PDE7A: variants seen among roughly 807,000 people sequenced by gnomAD.
PDE7A encodes the protein phosphodiesterase 7A.
PDE7A carries 39 observed loss-of-function variants against 64.3 expected under a neutral mutation model. The observed-to-expected ratio is 0.61, with a 90% CI of 0.47 to 0.79. PDE7A has a LOEUF of 0.79. Ranked by LOEUF, PDE7A falls within the 30% of genes least tolerant of loss-of-function variation. The pLI, the probability that PDE7A is intolerant of heterozygous loss-of-function variation, is 0.00. For missense variants in PDE7A, 470 were observed against 582.8 expected, an observed-to-expected ratio of 0.81 and a Z score of 1.99; for synonymous variants, 203 against 206.8, an observed-to-expected ratio of 0.98 and a Z score of 0.16.
At chr8:65,805,968 G>A (rs1320834635) in intron 1 of PDE7A, among the ~76,000 whole-genome samples, 1 of 152,176 alleles carries the variant, frequency 6.6e-6, no homozygotes, top group East Asian at 1.9e-4. Context: ...ATTTGGCCAT[G>A]TTTATCAAAG....
chr8:65,840,670 A>T (rs1201168322), intron 1 of PDE7A, among the ~76,000 whole-genome samples: 1 of 152,238 alleles, frequency 6.6e-6, no homozygotes, highest in Non-Finnish European at 1.5e-5. Context: ...ACCACAGGAA[A>T]AAAACAGAAA....
At chr8:65,814,327 C>T (rs1337127181) in intron 1 of PDE7A, among the ~76,000 whole-genome samples, 2 of 150,826 alleles carry the variant, frequency 1.3e-5, no homozygotes, top group Admixed American at 6.6e-5. Context: ...CCGGCTAAAA[C>T]GGTGAAACCC....
At chr8:65,837,441 C>T (rs764732135) in intron 1 of PDE7A, among the ~76,000 whole-genome samples, 7 of 152,136 alleles carry the variant, frequency 4.6e-5, no homozygotes, top group Non-Finnish European at 7.3e-5. Flanking sequence ...TTTGTGTATA[C>T]GTCATGAGAT....
chr8:65,729,486 T>C (rs1360540855), intron 7 of PDE7A, among the ~76,000 whole-genome samples: 1 of 151,026 alleles, frequency 6.6e-6, no homozygotes, highest in East Asian at 2.0e-4. Flanking sequence ...GGCACTATCA[T>C]GGAGGAGAGC....
chr8:65,729,378 T>C (rs1228099335), intron 7 of PDE7A, among the ~76,000 whole-genome samples: 2 of 149,950 alleles, frequency 1.3e-5, no homozygotes, highest in Non-Finnish European at 3.0e-5. Context: ...TTTTTTTTTT[T>C]TTTTTTTTTG....
intron 1 of PDE7A, among the ~76,000 whole-genome samples, chr8:65,819,842 T>C (rs1810498890): frequency 6.6e-6 from 1 of 152,200 alleles, no homozygotes; most frequent in Non-Finnish European, 1.5e-5. Context: ...GGCATAGCCG[T>C]GTCACTAAGT....
intron 7 of PDE7A, among the ~76,000 whole-genome samples, chr8:65,734,255 C>T (rs1025928730): frequency 1.3e-5 from 2 of 152,142 alleles, no homozygotes; most frequent in African/African-American, 4.8e-5. Context: ...TTTCTTTCCC[C>T]GAAATGCATT....
intron 9 of PDE7A, among the ~76,000 whole-genome samples, chr8:65,726,190 A>G (rs1806600307): frequency 6.6e-6 from 1 of 152,156 alleles, no homozygotes; most frequent in Non-Finnish European, 1.5e-5. Context: ...GCTGACGTGC[A>G]TTTTCCCTCA....
intron 1 of PDE7A, among the ~76,000 whole-genome samples, chr8:65,840,070 G>T (rs1811042403): frequency 6.6e-6 from 1 of 152,144 alleles, no homozygotes; most frequent in Non-Finnish European, 1.5e-5. Context: ...AGTGCATTAA[G>T]ATTTCCTCAA....
intron 1 of PDE7A, among the ~76,000 whole-genome samples, chr8:65,829,821 G>A (rs995018229): frequency 6.6e-6 from 1 of 151,940 alleles, no homozygotes; most frequent in African/African-American, 2.4e-5. Flanking sequence ...AGATGAATAA[G>A]GTATTATTTC....
chr8:65,838,307 C>T (rs1810998378), intron 1 of PDE7A, among the ~76,000 whole-genome samples: 1 of 152,118 alleles, frequency 6.6e-6, no homozygotes, highest in Middle Eastern at 3.2e-3. Flanking sequence ...AATATGAATG[C>T]TATTCTGAAA....
intron 3 of PDE7A, among the ~76,000 whole-genome samples, chr8:65,763,036 T>TGTGC (rs1563494870): frequency 1.4e-5 from 2 of 145,616 alleles, no homozygotes; most frequent in Admixed American, 1.4e-4. Context: ...TGTGTGTGTG[T>TGTGC]GTATAAAATG....
At chr8:65,831,797 G>C (rs1585955487) in intron 1 of PDE7A, among the ~76,000 whole-genome samples, 1 of 152,108 alleles carries the variant, frequency 6.6e-6, no homozygotes, top group African/African-American at 2.4e-5. Context: ...CACCCTTTAC[G>C]AACAGCTTTG....
intron 1 of PDE7A, among the ~76,000 whole-genome samples, chr8:65,808,447 G>A (rs972598809): frequency 6.6e-6 from 1 of 151,984 alleles, no homozygotes; most frequent in Non-Finnish European, 1.5e-5. Flanking sequence ...TTCAGAATAT[G>A]GAAAATCACC....
At chr8:65,825,244 ACATT>A (rs1486417277) in intron 1 of PDE7A, among the ~76,000 whole-genome samples, 1 of 152,226 alleles carries the variant, frequency 6.6e-6, no homozygotes, top group Non-Finnish European at 1.5e-5. Context: ...TAACAAGCAT[ACATT>A]AACTTTAGTC....
chr8:65,793,443 G>A (rs982088247), intron 1 of PDE7A, among the ~76,000 whole-genome samples: 2 of 149,588 alleles, frequency 1.3e-5, no homozygotes, highest in Non-Finnish European at 1.5e-5. Context: ...ACAATAAATT[G>A]CATACCTATA....
intron 1 of PDE7A, among the ~76,000 whole-genome samples, chr8:65,840,350 G>C (rs1461339462): frequency 1.3e-5 from 2 of 151,434 alleles, no homozygotes; most frequent in African/African-American, 4.9e-5. Flanking sequence ...ATATTTACTA[G>C]ACACTTATTA....
At chr8:65,769,109 G>A (rs572284830) in intron 3 of PDE7A, among the ~76,000 whole-genome samples, 59 of 151,840 alleles carry the variant, frequency 3.9e-4, no homozygotes, top group African/African-American at 1.1e-3. Flanking sequence ...TTAGCCGGGC[G>A]TGATGGCAGG....
rs1811090863 is a variant in PDE7A, at chr8:65,841,585, G to A, written c.-77C>T. ...GCCCCTGCAGTGGGAGGGGGCCGCG[G>A]CTCGGGGGCTCCGGGCCGAGACGGG... On this transcript the variant is annotated 5_prime_UTR_variant, in exon 1 of 13. Transcript: ENST00000401827. 3 of 834,730 alleles carry A rather than the reference G, an allele frequency of 3.6e-6. No individual in the cohort carries two copies. The African/African-American group carries it at 5.5e-5, about 15-fold the overall frequency. The allele number at this position is 834,730 out of a possible 1,614,324, so 51.7% of individuals were successfully genotyped here.
Sources: gnomAD v4.1 joint callset for allele counts (sites outside exome capture counted in the v4.1 genomes callset) on GRCh38, gnomAD v4.1.1 for gene constraint, MANE v1.5 for transcripts, NCBI Gene and HGNC (gene_info 2026-07-23, HGNC 2026-07-21) for gene names.